Variants in GPHN observed in about 807,000 individuals in gnomAD.
The protein encoded by GPHN is gephyrin.
A neutral mutation model predicts 95.5 loss-of-function variants in GPHN; 17 were observed. The observed-to-expected ratio is 0.18, with a 90% CI of 0.12 to 0.27. The LOEUF (loss-of-function observed/expected upper bound fraction) is 0.27. GPHN is among the 10% of genes least tolerant of loss of function. The pLI is 1.00. For synonymous variants in GPHN, 320 were observed against 322.5 expected (o/e 0.99, Z 0.08); for missense variants, 660 against 978.1 (o/e 0.67, Z 4.34).
the GPHN span, chr14:67,338,365 A>G: frequency 5.2e-6 from 2 of 381,640 alleles, no homozygotes; most frequent in African/African-American, 2.1e-5. Context: ...ACAGATGTAA[A>G]TGGAGTATGA....
intron 18 of GPHN, among the ~76,000 whole-genome samples, chr14:67,156,079 C>T (rs1439510864): frequency 6.6e-6 from 1 of 151,906 alleles, no homozygotes; most frequent in South Asian, 2.1e-4. Context: ...CGGACCTAGA[C>T]TAAATAGAGT....
At chr14:67,669,936 A>C in the GPHN span, among the ~76,000 whole-genome samples, 1 of 152,142 alleles carries the variant, frequency 6.6e-6, no homozygotes, top group African/African-American at 2.4e-5. Flanking sequence ...CTTACTAAAA[A>C]TACAAAAAAT....
chr14:67,156,908 G>A (rs1436344501), intron 18 of GPHN, among the ~76,000 whole-genome samples: 1 of 151,490 alleles, frequency 6.6e-6, no homozygotes, highest in Non-Finnish European at 1.5e-5. Flanking sequence ...GACAGAGGTT[G>A]CCAACGTGAG....
chr14:67,227,985 C>G, the GPHN span, among the ~76,000 whole-genome samples: 1 of 152,046 alleles, frequency 6.6e-6, no homozygotes, highest in Non-Finnish European at 1.5e-5. Context: ...GCCTGGCCAA[C>G]ATGGTGAAAC....
intron 16 of GPHN, among the ~76,000 whole-genome samples, chr14:67,115,177 GTT>G (rs761666278): frequency 6.6e-6 from 1 of 151,886 alleles, no homozygotes; most frequent in Non-Finnish European, 1.5e-5. Flanking sequence ...TGATCATATA[GTT>G]TAGTTTTGTT....
At chr14:67,547,475 G>A in the GPHN span, among the ~76,000 whole-genome samples, 1 of 152,188 alleles carries the variant, frequency 6.6e-6, no homozygotes, top group Non-Finnish European at 1.5e-5. Flanking sequence ...GAGAGCTCCT[G>A]CTGGGGCCAA....
the GPHN span, among the ~76,000 whole-genome samples, chr14:67,639,012 GAATT>G: frequency 5.3e-5 from 8 of 152,076 alleles, no homozygotes; most frequent in Admixed American, 3.9e-4. Context: ...CCCAGGTTGG[GAATT>G]AATCTGATGA....
the GPHN span, among the ~76,000 whole-genome samples, chr14:67,537,269 G>A: frequency 1.4e-5 from 2 of 147,238 alleles, no homozygotes; most frequent in Admixed American, 6.8e-5. Context: ...ATTTGAACCC[G>A]GGAGGCGGAG....
At chr14:66,957,706 T>C (rs2068623972) in intron 8 of GPHN, among the ~76,000 whole-genome samples, 1 of 152,242 alleles carries the variant, frequency 6.6e-6, no homozygotes, top group South Asian at 2.1e-4. Flanking sequence ...TGGTTTATAG[T>C]GTTGTTCAGG....
chr14:67,423,934 C>T, the GPHN span, among the ~76,000 whole-genome samples: 1 of 152,196 alleles, frequency 6.6e-6, no homozygotes, highest in Non-Finnish European at 1.5e-5. Context: ...ACACCAGGCA[C>T]TTTTTTAAAA....
At chr14:66,920,366 CAG>C (rs2066153059) in intron 6 of GPHN, among the ~76,000 whole-genome samples, 1 of 152,050 alleles carries the variant, frequency 6.6e-6, no homozygotes, top group Non-Finnish European at 1.5e-5. Flanking sequence ...TTTTTAGAGA[CAG>C]AGTCTCACTG....
chr14:66,594,860 CAG>C (rs2061907840), intron 1 of GPHN, among the ~76,000 whole-genome samples: 1 of 152,008 alleles, frequency 6.6e-6, no homozygotes, highest in African/African-American at 2.4e-5. Context: ...GCAAAGGAAA[CAG>C]AATGAAGAGA....
the GPHN span, among the ~76,000 whole-genome samples, chr14:67,430,595 A>G: frequency 1.6e-4 from 24 of 152,234 alleles, no homozygotes; most frequent in African/African-American, 4.8e-4. Flanking sequence ...ACTGGTGTCA[A>G]TGGCATCACG....
At chr14:66,535,342 C>A (rs549529002) in intron 1 of GPHN, among the ~76,000 whole-genome samples, 79 of 152,246 alleles carry the variant, frequency 5.2e-4, no homozygotes, top group African/African-American at 1.7e-3. Context: ...TGTACAAATA[C>A]TACCCTGTCT....
chr14:66,633,675 C>T (rs72726429), intron 1 of GPHN, among the ~76,000 whole-genome samples: 8,849 of 152,128 alleles, frequency 0.058, 358 homozygotes, highest in Middle Eastern at 0.099. Context: ...TTTTTGGGTA[C>T]GTATGTTTTC....
At position 66,810,883 on chromosome 14, in the gene GPHN, C is replaced by T. The variant is rs114065135; in HGVS notation, c.202-13591C>T. Among the ~76,000 whole-genome samples the T allele has an allele frequency of 7.2e-5, 11 of 152,310 alleles. 1 individual carries two copies. Among genetic ancestry groups the T allele is most frequent in the African/African-American group, 2.6e-4 (11 of 41,572 alleles). On this transcript the variant is annotated intron_variant, in intron 3 of 22. Transcript: ENST00000478722. ...GGAATGGGTACCCAAGTCTGTCTTA[C>T]TCCCAAACCTATTCCTTTTCTGTTA...
intron 1 of GPHN, among the ~76,000 whole-genome samples, chr14:66,513,921 T>C (rs1441542545): frequency 6.6e-6 from 1 of 151,948 alleles, no homozygotes; most frequent in Non-Finnish European, 1.5e-5. Flanking sequence ...GCTTTGTCAG[T>C]ATTTATACAT....
At chr14:67,013,632 A>G (rs962907850) in intron 9 of GPHN, among the ~76,000 whole-genome samples, 1 of 152,054 alleles carries the variant, frequency 6.6e-6, no homozygotes, top group Non-Finnish European at 1.5e-5. Flanking sequence ...CTAGTGCAGT[A>G]TAGACATATA....
In GPHN at chr14:67,057,412, G is replaced by C. The variant is rs546249990; in HGVS notation, c.1007-1237G>C. On this transcript the variant is annotated intron_variant, in intron 10 of 22. Coordinates refer to ENST00000478722, the MANE Select transcript of GPHN (RefSeq NM_020806.5). ...AACAAGAACACATGGGCACATGGGT[G>C]GGGGGGGCAACAGCACACACTGGGT... 6.0e-4 allele frequency among the ~76,000 whole-genome samples: 79 copies of C among 131,422 alleles called. 1 individual carries two copies. The highest frequency in any genetic ancestry group is 1.9e-3 in the Admixed American group (25 of 13,490). The allele number at this position is 131,422 out of a possible 152,430, so 86.2% of individuals were successfully genotyped here.
Sources: allele counts gnomAD v4.1 joint callset (sites outside exome capture counted in the v4.1 genomes callset), GRCh38; gene constraint gnomAD v4.1.1; transcripts MANE v1.5; gene names NCBI Gene and HGNC (gene_info 2026-07-23, HGNC 2026-07-21).